GLCCI1: variants seen among roughly 807,000 people sequenced by gnomAD.
GLCCI1 encodes glucocorticoid induced 1.
Under a neutral mutation model 52.2 loss-of-function variants are expected in GLCCI1, and 24 were observed. The observed-to-expected ratio is 0.46, with a 90% CI of 0.33 to 0.65. The LOEUF (loss-of-function observed/expected upper bound fraction) is 0.65. Among genes scored for constraint, GLCCI1 ranks in the 30% least tolerant of loss-of-function variants. The pLI, the probability that GLCCI1 is intolerant of heterozygous loss-of-function variation, is 0.02. For missense variants in GLCCI1, 704 were observed against 701.5 expected (o/e 1.00, Z -0.04); for synonymous variants, 310 against 276.5 (o/e 1.12, Z -1.20).
intron 1 of GLCCI1, among the ~76,000 whole-genome samples, chr7:7,988,878 C>T (rs4470927): frequency 5.9e-5 from 9 of 152,034 alleles, no homozygotes; most frequent in African/African-American, 2.2e-4. Context: ...GTATTTTTTT[C>T]TTTGCTGACC....
chr7:8,064,871 C>T (rs996996775), intron 5 of GLCCI1, among the ~76,000 whole-genome samples: 13 of 151,978 alleles, frequency 8.6e-5, no homozygotes, highest in Admixed American at 7.2e-4. Context: ...CCATGCCCAG[C>T]GAATTTTTTG....
chr7:8,018,463 A>G (rs1781420268), intron 2 of GLCCI1, among the ~76,000 whole-genome samples: 1 of 152,196 alleles, frequency 6.6e-6, no homozygotes, highest in South Asian at 2.1e-4. Flanking sequence ...TGATCTAGCC[A>G]AAAATAATTT....
chr7:8,080,754 T>C (rs1360656636), intron 6 of GLCCI1, among the ~76,000 whole-genome samples: 2 of 152,144 alleles, frequency 1.3e-5, no homozygotes, highest in Non-Finnish European at 2.9e-5. Flanking sequence ...AATGATGTGT[T>C]ACTTTTTACT....
chr7:7,979,761 C>A (rs1780570036), intron 1 of GLCCI1, among the ~76,000 whole-genome samples: 1 of 152,056 alleles, frequency 6.6e-6, no homozygotes, highest in African/African-American at 2.4e-5. Flanking sequence ...GGCAGTGATG[C>A]CTTGTGAGGC....
intron 5 of GLCCI1, among the ~76,000 whole-genome samples, chr7:8,064,375 C>G (rs955939834): frequency 1.3e-5 from 2 of 152,118 alleles, no homozygotes; most frequent in Admixed American, 6.5e-5. Context: ...TTCCCCATTG[C>G]TTATTTTTCT....
At chr7:8,013,771 TTAATATC>T (rs1781318688) in intron 2 of GLCCI1, among the ~76,000 whole-genome samples, 1 of 152,210 alleles carries the variant, frequency 6.6e-6, no homozygotes, top group Non-Finnish European at 1.5e-5. Flanking sequence ...ATTAGGATAT[TTAATATC>T]TAATTTACAT....
chr7:8,087,099 T>C lies in GLCCI1; in HGVS notation c.*561T>C, dbSNP rs1161364941. ...ACTTGGAATGTATATCATATTGGGA[T>C]ATTAAATATTTCACAGCTAAAAAGC... On this transcript the variant is annotated 3_prime_UTR_variant, in exon 8 of 8. Transcript: ENST00000223145. 1 of 152,558 alleles carries C rather than the reference T, an allele frequency of 6.6e-6. No homozygotes were observed. The highest frequency in any genetic ancestry group is 1.5e-5 in the Non-Finnish European group (1 of 68,064). 9.5% of individuals were successfully genotyped at this position (152,558 alleles called of 1,614,324 possible).
intron 2 of GLCCI1, among the ~76,000 whole-genome samples, chr7:8,012,228 A>G (rs1442083473): frequency 1.3e-5 from 2 of 152,018 alleles, no homozygotes; most frequent in East Asian, 1.9e-4. Context: ...TAAATGATTA[A>G]TGATGCTGAG....
At chr7:8,034,668 A>C (rs956307537) in intron 3 of GLCCI1, among the ~76,000 whole-genome samples, 3 of 152,212 alleles carry the variant, frequency 2.0e-5, no homozygotes, top group African/African-American at 7.2e-5. Context: ...ATAGAATATC[A>C]AGGGGAGAGT....
intron 1 of GLCCI1, among the ~76,000 whole-genome samples, chr7:8,002,303 G>GA (rs1781065295): frequency 6.6e-6 from 1 of 151,854 alleles, no homozygotes; most frequent in Non-Finnish European, 1.5e-5. Context: ...ATAAGACAAG[G>GA]AACTATATAT....
At chr7:7,982,119 A>C (rs1009405173) in intron 1 of GLCCI1, 1 of 409,918 alleles carries the variant, frequency 2.4e-6, no homozygotes, top group African/African-American at 2.1e-5. Context: ...CATTATAGTA[A>C]TAGTCACAAA....
At chr7:8,044,689 C>G (rs1027925250) in intron 3 of GLCCI1, among the ~76,000 whole-genome samples, 1 of 152,174 alleles carries the variant, frequency 6.6e-6, no homozygotes, top group Non-Finnish European at 1.5e-5. Flanking sequence ...CTTCATAATT[C>G]ACATGTATAC....
At chr7:8,061,657 C>CTTTTTTTTT (rs61377819) in intron 5 of GLCCI1, among the ~76,000 whole-genome samples, 1 of 78,382 alleles carries the variant, frequency 1.3e-5, no homozygotes. Context: ...CCATTGAACT[C>CTTTTTTTTT]TTTTTTTTTT....
intron 6 of GLCCI1, among the ~76,000 whole-genome samples, chr7:8,082,775 A>G (rs967233007): frequency 1.3e-5 from 2 of 152,218 alleles, no homozygotes; most frequent in Non-Finnish European, 2.9e-5. Flanking sequence ...AAGAAAAATT[A>G]CTTATTCTAG....
rs956325192 is a variant in GLCCI1 at position 7,969,130 on chromosome 7, C to T, written c.-221C>T. 5.8e-5 allele frequency: 18 copies of T among 310,708 alleles called. No homozygotes were observed. Among genetic ancestry groups the T allele is most frequent in the Non-Finnish European group, 7.8e-5 (15 of 193,008 alleles). The allele number at this position is 310,708 out of a possible 1,614,324, so 19.2% of individuals were successfully genotyped here. On this transcript the variant is annotated 5_prime_UTR_variant, in exon 1 of 8. Transcript: ENST00000223145. This position sits in a 1 kb window ranked among gnomAD's most constrained non-coding sequence, Gnocchi z 4.9. ...CCGAGCCCAGCCGGGCGGTTGCGGC[C>T]GTTGGACGTTTGTTTTCGCAGCCTT... is the stretch of plus-strand genomic sequence containing the variant.
At chr7:8,050,502 T>G (rs528577597) in intron 3 of GLCCI1, among the ~76,000 whole-genome samples, 1 of 152,318 alleles carries the variant, frequency 6.6e-6, no homozygotes, top group South Asian at 2.1e-4. Context: ...ACATGTGATC[T>G]TTATAAACAT....
chr7:8,053,339 G>GTTTTT (rs112047406), intron 3 of GLCCI1, among the ~76,000 whole-genome samples: 170 of 134,422 alleles, frequency 1.3e-3, no homozygotes, highest in African/African-American at 3.7e-3. Context: ...TTGTTTGTTT[G>GTTTTT]TTTTGAGACA....
intron 3 of GLCCI1, among the ~76,000 whole-genome samples, chr7:8,037,404 A>T (rs933285024): frequency 6.6e-6 from 1 of 152,178 alleles, no homozygotes. Flanking sequence ...ATTTCTAAAC[A>T]TGGAAATGAA....
intron 5 of GLCCI1, among the ~76,000 whole-genome samples, chr7:8,063,615 CTTTTTTTT>C (rs917291629): frequency 8.8e-6 from 1 of 113,670 alleles, no homozygotes; most frequent in African/African-American, 3.3e-5. Flanking sequence ...ACTTTTCTTC[CTTTTTTTT>C]TTTTTTTTTT....
Sources: allele counts gnomAD v4.1 joint callset (sites outside exome capture counted in the v4.1 genomes callset), GRCh38; gene constraint gnomAD v4.1.1; non-coding constraint Gnocchi (gnomAD v3.1); transcripts MANE v1.5; gene names NCBI Gene and HGNC (gene_info 2026-07-23, HGNC 2026-07-21).